SPATA19: variants seen among roughly 807,000 people sequenced by gnomAD.
The protein encoded by SPATA19 is spermatogenesis associated 19.
Under a neutral mutation model 25.0 loss-of-function variants are expected in SPATA19, and 19 were observed. The ratio of observed to expected loss-of-function variants is 0.76; its 90% CI spans 0.53 to 1.11. The LOEUF (loss-of-function observed/expected upper bound fraction) is 1.11. SPATA19 is among the 50% of genes most tolerant of loss of function. The pLI is 0.00. For missense variants in SPATA19, 222 were observed against 211.4 expected (o/e 1.05, Z -0.31); for synonymous variants, 64 against 69.3 (o/e 0.92, Z 0.38).
intron 5 of SPATA19, 119 bp from the exon 6 acceptor site, chr11:133,842,224 C>A: frequency 9.9e-7 from 1 of 1,011,704 alleles, no homozygotes; most frequent in Non-Finnish European, 1.6e-6. Flanking sequence ...CGTGGCCACA[C>A]TGGGCCTGGG....
At position 133,844,751 on chromosome 11, in the gene SPATA19, A is replaced by G. The variant is rs143082910; in HGVS notation, c.136-111T>C. 7.1e-3 allele frequency: 8,755 copies of G among 1,238,384 alleles called. 57 individuals are homozygous for G. Among genetic ancestry groups the G allele is most frequent in the African/African-American group, 0.017 (1,137 of 66,602 alleles). The allele number at this position is 1,238,384 out of a possible 1,614,324, so 76.7% of individuals were successfully genotyped here. A position where few individuals can be genotyped will look rare whatever the true frequency, so the allele number is the denominator to read the frequency against. ...CTCCATCACAACTCACACACCACATATTCACACACATACACTCCTTACCTC... is the reference window on the plus strand; with the variant it reads ...CTCCATCACAACTCACACACCACATGTTCACACACATACACTCCTTACCTC... On this transcript the variant is annotated intron_variant, in intron 2 of 6. Transcript: ENST00000299140.
At chr11:133,845,233 A>G (rs756962830) in intron 1 of SPATA19, 43 bp from the exon 2 acceptor site, 5 of 1,604,866 alleles carry the variant, frequency 3.1e-6, no homozygotes, top group Non-Finnish European at 4.3e-6. Flanking sequence ...AAACCTAGAA[A>G]TTCAGCTCTT....
downstream of SPATA19, among the ~76,000 whole-genome samples, chr11:133,840,124 G>C (rs916274191): frequency 4.6e-5 from 7 of 152,128 alleles, no homozygotes; most frequent in Non-Finnish European, 8.8e-5. Flanking sequence ...TACCGTACAA[G>C]CAAGATGAGA....
rs1938379498 is a variant in SPATA19, at chr11:133,844,545, G to A, written c.231C>T (p.Pro77=). 6.2e-7 allele frequency: 1 copy of A among 1,614,054 alleles called. No homozygotes were observed. The highest frequency in any genetic ancestry group is 1.7e-5 in the Admixed American group (1 of 60,000). Residue 77 remains proline, a synonymous_variant, in exon 3 of 7, where the codon CCC becomes CCT. Transcript: ENST00000299140. ...VREKMSTDSP[P]THGQDIHVTR... Reference sequence around the variant, plus strand: ...TCACGTGGATGTCCTGGCCATGGGTGGGAGGGGAGTCAGTGGACATCTTCT... The same window carrying A: ...TCACGTGGATGTCCTGGCCATGGGTAGGAGGGGAGTCAGTGGACATCTTCT...
In SPATA19 at chr11:133,842,051, G is replaced by A. The variant is rs1184188563; in HGVS notation, c.492C>T (p.Ser164=). ...TCACCTGTTGCTCTCAGCAGTCTGA[G>A]GAGGAGGGTCTCATACTGAAGTCCT... ...SAQDFSMRPS[S]SDC is the part of the protein sequence containing the mutation. Residue 164 remains serine (S), a synonymous_variant, in exon 6 of 7, where the codon TCC becomes TCT. Coordinates refer to ENST00000299140, the MANE Select transcript of SPATA19 (RefSeq NM_174927.3). The A allele has an allele frequency of 3.7e-6, 6 of 1,614,100 alleles. No homozygotes were observed. The highest frequency in any genetic ancestry group is 1.6e-4 in the Middle Eastern group (1 of 6,062).
downstream of SPATA19, among the ~76,000 whole-genome samples, chr11:133,839,332 C>T (rs1359654109): frequency 1.3e-5 from 2 of 152,182 alleles, no homozygotes; most frequent in Non-Finnish European, 2.9e-5. Flanking sequence ...ACATATCCAC[C>T]ATGGAATACT....
chr11:133,838,665 C>A (rs903333243), downstream of SPATA19, among the ~76,000 whole-genome samples: 13 of 152,014 alleles, frequency 8.6e-5, no homozygotes, highest in Non-Finnish European at 1.6e-4. Flanking sequence ...GCAACAAAAG[C>A]CAAAATTGAC....
intron 5 of SPATA19, 135 bp downstream of exon 5, chr11:133,842,350 G>C (rs1434943173): frequency 6.3e-6 from 5 of 795,290 alleles, no homozygotes; most frequent in Non-Finnish European, 1.1e-5. Context: ...GCAGCCCTGG[G>C]AACTGTGTGT....
Position 133,845,425 on chromosome 11 carries a change from C to A in SPATA19, c.22G>T (p.Val8Leu). 2 of 1,614,146 alleles carry A rather than the reference C, an allele frequency of 1.2e-6. No individual in the cohort carries two copies. The highest frequency in any genetic ancestry group is 2.2e-5 in the East Asian group (1 of 44,882). Residue 8 changes from valine to leucine, a missense_variant, in exon 1 of 7, where the codon GTG becomes TTG. Transcript: ENST00000299140. MIITTWI[V>L]YILARKGVGL... ...ACACCTTTCCGAGCAAGAATATACA[C>A]AATCCATGTCGTAATTATCATCTTT... is the stretch of plus-strand genomic sequence containing the variant.
intron 2 of SPATA19, 102 bp from the exon 3 acceptor site, chr11:133,844,742 A>G: frequency 3.7e-6 from 5 of 1,341,502 alleles, no homozygotes; most frequent in Non-Finnish European, 3.1e-6. Flanking sequence ...CACAACTCAC[A>G]CACCACATAT....
At position 133,845,496 on chromosome 11, in the gene SPATA19, C is replaced by T. The variant is rs774764166; in HGVS notation, c.-50G>A. 1 of 1,596,128 alleles carries T rather than the reference C, an allele frequency of 6.3e-7. No individual in the cohort carries two copies. The highest frequency in any genetic ancestry group is 8.6e-7 in the Non-Finnish European group (1 of 1,165,630). On this transcript the variant is annotated 5_prime_UTR_variant, in exon 1 of 7. Transcript: ENST00000299140. Reference sequence around the variant, plus strand: ...TCTTGGCTCCCTCCTTCCATTGAAGCTGCCTGAGAACTCCTATGGGACAGG... The same window carrying T: ...TCTTGGCTCCCTCCTTCCATTGAAGTTGCCTGAGAACTCCTATGGGACAGG...
At chr11:133,839,112 A>G (rs2121172989), downstream of SPATA19, among the ~76,000 whole-genome samples, 1 of 152,362 alleles carries the variant, frequency 6.6e-6, no homozygotes, top group East Asian at 1.9e-4. Flanking sequence ...CCATTGTGGA[A>G]GTCAGCGTGG....
At chr11:133,837,643 G>T (rs1938236112), downstream of SPATA19, among the ~76,000 whole-genome samples, 1 of 152,104 alleles carries the variant, frequency 6.6e-6, no homozygotes, top group Non-Finnish European at 1.5e-5. Flanking sequence ...CTCCCCTCTA[G>T]CCTTCCTGTC....
At chr11:133,842,836 C>T (rs765166089) in intron 4 of SPATA19, among the ~76,000 whole-genome samples, 1 of 152,076 alleles carries the variant, frequency 6.6e-6, no homozygotes, top group Non-Finnish European at 1.5e-5. Context: ...AGGCAGCAAG[C>T]AGTGGTCTCG....
rs900650696 is a variant in SPATA19, at chr11:133,845,508, T to C, written c.-62A>G. ...CCTTCCATTGAAGCTGCCTGAGAACTCCTATGGGACAGGAAGGTCATTGAA... is the reference window on the plus strand; with the variant it reads ...CCTTCCATTGAAGCTGCCTGAGAACCCCTATGGGACAGGAAGGTCATTGAA... On this transcript the variant is annotated 5_prime_UTR_variant, in exon 1 of 7. Coordinates refer to ENST00000299140, the MANE Select transcript of SPATA19 (RefSeq NM_174927.3). The C allele has an allele frequency of 4.5e-6, 7 of 1,566,986 alleles. No individual in the cohort carries two copies. The highest frequency in any genetic ancestry group is 2.7e-5 in the African/African-American group (2 of 74,042).
downstream of SPATA19, among the ~76,000 whole-genome samples, chr11:133,836,296 A>G (rs1938211260): frequency 1.3e-5 from 2 of 151,836 alleles, no homozygotes; most frequent in Admixed American, 1.3e-4. Context: ...CCCTCGCCCT[A>G]CCTTACTGGA....
At chr11:133,836,954 C>T (rs1938223599), downstream of SPATA19, among the ~76,000 whole-genome samples, 1 of 152,108 alleles carries the variant, frequency 6.6e-6, no homozygotes, top group South Asian at 2.1e-4. Flanking sequence ...TGTGTTATCT[C>T]CTCTCTAATA....
chr11:133,842,539 G>C lies in SPATA19; in HGVS notation c.383C>G (p.Pro128Arg). The C allele has an allele frequency of 6.2e-7, 1 of 1,613,932 alleles. No individual in the cohort carries two copies. The highest frequency in any genetic ancestry group is 8.5e-7 in the Non-Finnish European group (1 of 1,179,926). ...RWSHTRIFQV[P>R]SEMTEDIMRD... The stretch of plus-strand genomic sequence containing the variant: ...CATGATGTCCTCTGTCATCTCACTT[G>C]GCACTTGGAAGATACGAGTGTGGCT... Residue 128 changes from proline (P) to arginine (R), a missense_variant, in exon 5 of 7, where the codon CCA becomes CGA. Pro to Arg is a moderately radical substitution (Grantham distance 103). Transcript: ENST00000299140.
chr11:133,838,925 A>C (rs1938253930), downstream of SPATA19, among the ~76,000 whole-genome samples: 1 of 152,236 alleles, frequency 6.6e-6, no homozygotes, highest in Non-Finnish European at 1.5e-5. Context: ...AAAACACATG[A>C]AAAAATGCTC....
Sources: allele counts gnomAD v4.1 joint callset (sites outside exome capture counted in the v4.1 genomes callset), GRCh38; gene constraint gnomAD v4.1.1; transcripts MANE v1.5; gene names NCBI Gene and HGNC (gene_info 2026-07-23, HGNC 2026-07-21).